Variants in SNAPC3 observed in about 807,000 individuals in gnomAD.
SNAPC3 encodes snRNA-activating protein complex subunit 3.
SNAPC3 carries 56 observed loss-of-function variants against 47.7 expected under a neutral mutation model. That is an observed-to-expected ratio of 1.18 (90% CI 0.95 to 1.47). The LOEUF (loss-of-function observed/expected upper bound fraction) is 1.47, where lower values mean the gene tolerates loss of function less well. Ranked by LOEUF, SNAPC3 falls within the 40% of genes most tolerant of loss-of-function variation. SNAPC3 has a pLI of 0.00. For synonymous variants in SNAPC3, 235 were observed against 189.9 expected (o/e 1.24, Z -1.95); for missense variants, 665 against 511.3 (o/e 1.30, Z -2.90).
chr9:15,434,464 G>A (rs1727976430), intron 3 of SNAPC3, among the ~76,000 whole-genome samples: 2 of 149,564 alleles, frequency 1.3e-5, no homozygotes, highest in African/African-American at 5.0e-5. Flanking sequence ...CTGGAGTGCA[G>A]TGGCGCCATC....
At chr9:15,462,713 T>G (rs2035304884), downstream of SNAPC3, 1 of 152,226 alleles carries the variant, frequency 6.6e-6, no homozygotes, top group Non-Finnish European at 1.5e-5. Context: ...TTAAGGACAA[T>G]TAGACATTCT....
In SNAPC3 at chr9:15,452,258, C is replaced by CA. The variant is rs1185391520; in HGVS notation, c.816-782dup. On this transcript the variant is annotated intron_variant, in intron 6 of 8. Coordinates refer to ENST00000380821, the MANE Select transcript of SNAPC3 (RefSeq NM_001039697.2). ...CGTTACAGGTGTGAGCCACAATGCC[C>CA]AGCATATTGTAGCCATTTTTAATCT... Among the ~76,000 whole-genome samples, 19 of 152,112 alleles carry CA rather than the reference C, an allele frequency of 1.2e-4. No individual in the cohort carries two copies. In the East Asian group the frequency reaches 3.7e-3, roughly 29 times the overall value.
At chr9:15,424,037 A>G (rs759014092) in intron 2 of SNAPC3, 51 bp downstream of exon 2, 12 of 1,108,694 alleles carry the variant, frequency 1.1e-5, no homozygotes, top group East Asian at 2.6e-5. Context: ...TTTTTTCAAC[A>G]TTATGTTTTG....
chr9:15,425,345 G>A (rs2031224321), intron 2 of SNAPC3, among the ~76,000 whole-genome samples: 1 of 152,134 alleles, frequency 6.6e-6, no homozygotes, highest in Non-Finnish European at 1.5e-5. Context: ...AGCCTCCGGA[G>A]TAGCTGGGAT....
intron 5 of SNAPC3, among the ~76,000 whole-genome samples, chr9:15,449,561 A>ATTT (rs1216051655): frequency 2.5e-4 from 11 of 43,280 alleles, no homozygotes; most frequent in East Asian, 7.3e-4. Flanking sequence ...ATATATATAT[A>ATTT]TATTTTTTTT....
rs41298180 is a variant in SNAPC3 at position 15,424,217 on chromosome 9, A to C, written c.392+231A>C. Among the ~76,000 whole-genome samples the C allele has an allele frequency of 3.1e-3, 470 of 152,316 alleles. 3 individuals are homozygous for C. Among genetic ancestry groups the C allele is most frequent in the Non-Finnish European group, 6.1e-3 (412 of 68,034 alleles). On this transcript the variant is annotated intron_variant, in intron 2 of 8. Coordinates refer to ENST00000380821, the MANE Select transcript of SNAPC3 (RefSeq NM_001039697.2). ...AGTTAGACATGATAATTTACCCGTA[A>C]ATACATAAGCATATAGCTTCTAAAA...
intron 2 of SNAPC3, among the ~76,000 whole-genome samples, chr9:15,427,803 A>T (rs1425844212): frequency 1.3e-5 from 2 of 152,216 alleles, no homozygotes; most frequent in African/African-American, 4.8e-5. Flanking sequence ...CAAAAAACAA[A>T]AGAACCATGA....
At chr9:15,442,023 G>A (rs951868012) in intron 3 of SNAPC3, among the ~76,000 whole-genome samples, 3 of 151,366 alleles carry the variant, frequency 2.0e-5, no homozygotes, top group East Asian at 2.0e-4. Context: ...AGGCGGAGGC[G>A]CTCCCCACCT....
At chr9:15,429,593 T>A (rs1285304256) in intron 2 of SNAPC3, among the ~76,000 whole-genome samples, 1 of 151,416 alleles carries the variant, frequency 6.6e-6, no homozygotes, top group Non-Finnish European at 1.5e-5. Flanking sequence ...AATGGGTAAC[T>A]CTAGGATTTA....
At chr9:15,465,800 G>C (rs911417825), downstream of SNAPC3, 1 of 458,770 alleles carries the variant, frequency 2.2e-6, no homozygotes, top group Non-Finnish European at 3.8e-6. Context: ...GTAATATGCA[G>C]ATGAAGCAAA....
At chr9:15,466,661 TTA>T, downstream of SNAPC3, 2 of 1,019,862 alleles carry the variant, frequency 2.0e-6, no homozygotes, top group Non-Finnish European at 1.4e-6. Context: ...TAACTGCTTA[TTA>T]TAGTAAGATA....
At chr9:15,461,768 AAGTCCATT>A (rs916372187), downstream of SNAPC3, 16 of 152,192 alleles carry the variant, frequency 1.1e-4, no homozygotes, top group African/African-American at 3.9e-4. Context: ...ACAAACAGTT[AAGTCCATT>A]GGCTTGGAGA....
intron 7 of SNAPC3, 99 bp downstream of exon 7, chr9:15,453,304 T>G (rs2034536142): frequency 1.1e-6 from 1 of 918,830 alleles, no homozygotes; most frequent in Non-Finnish European, 1.6e-6. Context: ...GGAGTAAAAG[T>G]AATAACCATT....
At chr9:15,447,568 G>C (rs2034045126) in intron 5 of SNAPC3, among the ~76,000 whole-genome samples, 1 of 151,730 alleles carries the variant, frequency 6.6e-6, no homozygotes, top group East Asian at 1.9e-4. Flanking sequence ...CTGCCGCCCA[G>C]GCTGGAGTGC....
chr9:15,458,757 C>T (rs1410256998), intron 8 of SNAPC3, among the ~76,000 whole-genome samples: 1 of 151,842 alleles, frequency 6.6e-6, no homozygotes, highest in Non-Finnish European at 1.5e-5. Context: ...CTATAAAAAA[C>T]ATATAAAAAA....
intron 2 of SNAPC3, among the ~76,000 whole-genome samples, chr9:15,430,200 A>G (rs972285507): frequency 1.3e-5 from 2 of 152,182 alleles, no homozygotes; most frequent in Non-Finnish European, 2.9e-5. Flanking sequence ...GGAGGCCAAG[A>G]TGGAAGGATT....
chr9:15,454,890 T>C (rs1234325464), intron 7 of SNAPC3, among the ~76,000 whole-genome samples: 4 of 152,106 alleles, frequency 2.6e-5, no homozygotes, highest in Non-Finnish European at 5.9e-5. Flanking sequence ...GCTGAGATCG[T>C]GCCACTGCAC....
At position 15,458,017 on chromosome 9, in the gene SNAPC3, G is replaced by A. The variant is rs2034928845; in HGVS notation, c.1038G>A (p.Lys346=). ...CATTGTATCCCCTCCTTATCAAGAA[G>A]CATTGGCTATGGACCAGAAAATGTT... The part of the protein sequence containing the change: ...DRTLYPLLIK[K]HWLWTRKCFV... The change falls in exon 8 of 9, where the codon AAG becomes AAA. Residue 346 remains lysine (K), a synonymous_variant. Transcript: ENST00000380821. 3.8e-6 allele frequency: 6 copies of A among 1,597,200 alleles called. 1 individual carries two copies. Among genetic ancestry groups the A allele is most frequent in the African/African-American group, 2.7e-5 (2 of 73,804 alleles).
chr9:15,426,162 C>G (rs1587141378), intron 2 of SNAPC3, among the ~76,000 whole-genome samples: 1 of 152,178 alleles, frequency 6.6e-6, no homozygotes, highest in Non-Finnish European at 1.5e-5. Context: ...CCCGACCTTG[C>G]TGATTTTTTT....
Sources: allele counts gnomAD v4.1 joint callset (sites outside exome capture counted in the v4.1 genomes callset), GRCh38; gene constraint gnomAD v4.1.1; transcripts MANE v1.5; gene names NCBI Gene and HGNC (gene_info 2026-07-23, HGNC 2026-07-21).